C16orf95: variants seen among roughly 807,000 people sequenced by gnomAD.
The protein encoded by C16orf95 is chromosome 16 open reading frame 95, also known as uncharacterized protein C16orf95.
Under a neutral mutation model 32.1 loss-of-function variants are expected in C16orf95, and 41 were observed. The observed-to-expected ratio is 1.28, with a 90% CI of 1.00 to 1.66. The LOEUF (loss-of-function observed/expected upper bound fraction) is 1.66, where lower values mean the gene tolerates loss of function less well. Among genes scored for constraint, C16orf95 ranks in the 40% most tolerant of loss-of-function variants. The pLI, the probability that C16orf95 is intolerant of heterozygous loss-of-function variation, is 0.00. For missense variants in C16orf95, 399 were observed against 325.9 expected (o/e 1.22, Z -1.73); for synonymous variants, 147 against 128.9 (o/e 1.14, Z -0.95).
chr16:87,306,009 C>T lies in C16orf95; in HGVS notation c.515-104G>A, dbSNP rs561284894. ...CCCCAGAGCCTCCGGGAAATGGGGACTTCCAGGACCCAGCCACAGCCCCGG... is the reference window on the plus strand; with the variant it reads ...CCCCAGAGCCTCCGGGAAATGGGGATTTCCAGGACCCAGCCACAGCCCCGG... On this transcript the variant is annotated intron_variant, in intron 5 of 6. Transcript: ENST00000567970. 2.0e-3 allele frequency: 1,783 copies of T among 884,634 alleles called. 30 individuals carry two copies. In the South Asian group the frequency reaches 0.035, roughly 17 times the overall value. 54.8% of individuals were successfully genotyped at this position (884,634 alleles called of 1,614,324 possible). A position where few individuals can be genotyped will look rare whatever the true frequency, so the allele number is the denominator to read the frequency against.
At chr16:87,314,369 A>G (rs1904301693) in intron 3 of C16orf95, among the ~76,000 whole-genome samples, 1 of 152,220 alleles carries the variant, frequency 6.6e-6, no homozygotes, top group African/African-American at 2.4e-5. Flanking sequence ...ACATAGAAGA[A>G]TCTCAAAATA....
chr16:87,304,056 G>C (rs1910888615), intron 6 of C16orf95, among the ~76,000 whole-genome samples: 2 of 152,124 alleles, frequency 1.3e-5, no homozygotes, highest in Non-Finnish European at 2.9e-5. Flanking sequence ...ATCTTGCTCT[G>C]TTGCCCAGGC....
chr16:87,309,299 G>A (rs765023310), intron 5 of C16orf95, among the ~76,000 whole-genome samples: 4 of 147,092 alleles, frequency 2.7e-5, no homozygotes, highest in African/African-American at 1.0e-4. Flanking sequence ...TTAGTTTGGT[G>A]CAAAAAAAAA....
At chr16:87,309,778 C>A (rs1048239035) in intron 5 of C16orf95, among the ~76,000 whole-genome samples, 2 of 152,102 alleles carry the variant, frequency 1.3e-5, no homozygotes, top group African/African-American at 4.8e-5. Flanking sequence ...CTATGTCTAT[C>A]ATGAACATGT....
chr16:87,305,814 G>A lies in C16orf95; in HGVS notation c.606C>T (p.Pro202=). ...CAGGAGCCGGTAGCTGGTCCTGGTAGGGGGCCTGGAGCTGCTGGAACTTGG... is the reference window on the plus strand; with the variant it reads ...CAGGAGCCGGTAGCTGGTCCTGGTAAGGGGCCTGGAGCTGCTGGAACTTGG... ...LLSKFQQLQA[P]YQDQLPAPAA... is the part of the protein sequence containing the mutation. The change falls in exon 6 of 7, where the codon CCC becomes CCT. Residue 202 remains proline (P), a synonymous_variant. Transcript: ENST00000567970. The surrounding 1 kb of genome is among the most constrained non-coding windows in gnomAD (Gnocchi z 4.2). The A allele has an allele frequency of 2.0e-6, 3 of 1,508,786 alleles. No homozygotes were observed. The highest frequency in any genetic ancestry group is 2.6e-6 in the Non-Finnish European group (3 of 1,134,164). The allele number at this position is 1,508,786 out of a possible 1,614,324, so 93.5% of individuals were successfully genotyped here. A position where few individuals can be genotyped will look rare whatever the true frequency, so the allele number is the denominator to read the frequency against.
At position 87,305,294 on chromosome 16, in the gene C16orf95, G is replaced by C. The variant is rs1251449101; in HGVS notation, c.701+425C>G. ...TTCTAGTATGGAGACTGGCGGCTGGGGCTCAAGCTGGGGACAGGCAAGAGG... is the reference window on the plus strand; with the variant it reads ...TTCTAGTATGGAGACTGGCGGCTGGCGCTCAAGCTGGGGACAGGCAAGAGG... On this transcript the variant is annotated intron_variant, in intron 6 of 6. Transcript: ENST00000567970. The surrounding 1 kb of genome is among the most constrained non-coding windows in gnomAD (Gnocchi z 4.2). 6.6e-6 allele frequency among the ~76,000 whole-genome samples: 1 copy of C among 152,166 alleles called. No individual in the cohort carries two copies. Among genetic ancestry groups the C allele is most frequent in the Non-Finnish European group, 1.5e-5 (1 of 68,026 alleles).
chr16:87,311,687 G>T (rs1911290898), intron 3 of C16orf95, among the ~76,000 whole-genome samples: 1 of 152,214 alleles, frequency 6.6e-6, no homozygotes. Flanking sequence ...CTATGAAGAG[G>T]GCTCTGCTGG....
intron 2 of C16orf95, 139 bp from the exon 3 acceptor site, chr16:87,315,235 A>C (rs1904310131): frequency 1.1e-6 from 1 of 899,870 alleles, no homozygotes; most frequent in Non-Finnish European, 1.6e-6. Flanking sequence ...GCAGCTTGGA[A>C]AGAGGCAGGC....
intron 3 of C16orf95, among the ~76,000 whole-genome samples, chr16:87,312,853 C>T (rs1255483934): frequency 6.6e-6 from 1 of 151,858 alleles, no homozygotes; most frequent in Non-Finnish European, 1.5e-5. Context: ...AATACAAGAA[C>T]AATAGACAAA....
chr16:87,309,999 T>C (rs1344163279), intron 5 of C16orf95, among the ~76,000 whole-genome samples: 1 of 152,176 alleles, frequency 6.6e-6, no homozygotes, highest in African/African-American at 2.4e-5. Flanking sequence ...TAGAGCTTAA[T>C]AAAACCACTT....
rs527801424 is a variant in C16orf95, at chr16:87,317,361, C to T, written c.-119G>A. 45 of 1,414,434 alleles carry T rather than the reference C, an allele frequency of 3.2e-5. No homozygotes were observed. The South Asian group carries it at 5.9e-4, about 19-fold the overall frequency. The allele number at this position is 1,414,434 out of a possible 1,614,324, so 87.6% of individuals were successfully genotyped here. ...ACCCAACCCGAGCTCAACCCCAGCC[C>T]CAACCTCAACCGCTCAGAGGAGCCC... On this transcript the variant is annotated 5_prime_UTR_variant, in exon 1 of 7. Transcript: ENST00000567970.
At chr16:87,314,500 G>A (rs1904302557) in intron 3 of C16orf95, among the ~76,000 whole-genome samples, 1 of 152,194 alleles carries the variant, frequency 6.6e-6, no homozygotes, top group South Asian at 2.1e-4. Context: ...GTTGCCTGGG[G>A]ATGTCAGGGT....
chr16:87,313,194 A>T (rs935268559), intron 3 of C16orf95, among the ~76,000 whole-genome samples: 5 of 38,842 alleles, frequency 1.3e-4, no homozygotes, highest in East Asian at 8.5e-4. Context: ...CATGGAAATT[A>T]AAAAAAAAAA....
chr16:87,317,237 A>G lies in C16orf95; in HGVS notation c.6T>C (p.Arg2=). The G allele has an allele frequency of 6.5e-7, 1 of 1,527,040 alleles. No individual in the cohort carries two copies. Among genetic ancestry groups the G allele is most frequent in the South Asian group, 1.2e-5 (1 of 82,854 alleles). 94.6% of individuals were successfully genotyped at this position (1,527,040 alleles called of 1,614,324 possible). A position where few individuals can be genotyped will look rare whatever the true frequency, so the allele number is the denominator to read the frequency against. Residue 2 remains arginine (R), a synonymous_variant, in exon 1 of 7, where the codon CGT becomes CGC. Transcript: ENST00000567970. ...GCGGGGACGGTGGGGACCGGCTCGCACGCATATGGCTTCTTATGGCTGACG... is the reference window on the plus strand; with the variant it reads ...GCGGGGACGGTGGGGACCGGCTCGCGCGCATATGGCTTCTTATGGCTGACG... M[R]ASRSPPSPRR... is the part of the protein sequence containing the mutation.
At chr16:87,309,126 T>C (rs1429069306) in intron 5 of C16orf95, among the ~76,000 whole-genome samples, 1 of 152,174 alleles carries the variant, frequency 6.6e-6, no homozygotes, top group Non-Finnish European at 1.5e-5. Context: ...GAGTTTACCA[T>C]TGTTCCACTC....
rs867565673 is a variant in C16orf95, at chr16:87,305,077, G to T, written c.701+642C>A. Among the ~76,000 whole-genome samples the T allele has an allele frequency of 6.6e-6, 1 of 152,168 alleles. No homozygotes were observed. The highest frequency in any genetic ancestry group is 2.1e-4 in the South Asian group (1 of 4,830). ...AGAGAGGCTTTGCAGAGGAGCCACC[G>T]CCTAGGCCGAGAGTAAAGGAGTAAG... On this transcript the variant is annotated intron_variant, in intron 6 of 6. Transcript: ENST00000567970. This position sits in a 1 kb window ranked among gnomAD's most constrained non-coding sequence, Gnocchi z 4.2.
intron 3 of C16orf95, among the ~76,000 whole-genome samples, chr16:87,314,669 A>G (rs1237437316): frequency 2.0e-5 from 3 of 152,220 alleles, no homozygotes; most frequent in Non-Finnish European, 4.4e-5. Flanking sequence ...TCACATGCCA[A>G]TCAAACCTCT....
chr16:87,304,764 C>T (rs1208771507), intron 6 of C16orf95, among the ~76,000 whole-genome samples: 7 of 152,284 alleles, frequency 4.6e-5, no homozygotes, highest in South Asian at 4.1e-4. Flanking sequence ...AGGGGAGAGC[C>T]TCCCGCTCCC....
At chr16:87,306,404 C>T (rs142130498) in intron 5 of C16orf95, among the ~76,000 whole-genome samples, 206 of 152,284 alleles carry the variant, frequency 1.4e-3, no homozygotes, top group Middle Eastern at 6.8e-3. Context: ...GCACTTTCTA[C>T]ACGGGGTCTG....
Sources: gnomAD v4.1 joint callset for allele counts (sites outside exome capture counted in the v4.1 genomes callset) on GRCh38, gnomAD v4.1.1 for gene constraint, Gnocchi (gnomAD v3.1) non-coding constraint, MANE v1.5 for transcripts, NCBI Gene and HGNC (gene_info 2026-07-23, HGNC 2026-07-21) for gene names.